The following ERICH1 variants were observed in gnomAD, a reference collection of about 807,000 sequenced individuals.
ERICH1 encodes glutamate rich 1.
A neutral mutation model predicts 39.6 loss-of-function variants in ERICH1; 56 were observed. The ratio of observed to expected loss-of-function variants is 1.41; its 90% CI spans 1.14 to 1.77. The LOEUF (loss-of-function observed/expected upper bound fraction) is 1.77, where lower values mean the gene tolerates loss of function less well. ERICH1 is among the 40% of genes most tolerant of loss of function. The probability of loss-of-function intolerance (pLI) is 0.00; values close to 1 mark genes in which losing one functional copy is unlikely to be tolerated. For missense variants in ERICH1, 826 were observed against 575.4 expected, an observed-to-expected ratio of 1.44 and a Z score of -4.45; for synonymous variants, 313 against 223.6, an observed-to-expected ratio of 1.40 and a Z score of -3.57.
intron 5 of ERICH1, chr8:668,299 G>C (rs958805311): frequency 2.4e-6 from 1 of 420,558 alleles, no homozygotes; most frequent in African/African-American, 2.0e-5. Flanking sequence ...AGAAGGAAAA[G>C]AGGAAGAAAT....
chr8:702,143 G>A (rs1028714415), intron 2 of ERICH1, among the ~76,000 whole-genome samples: 1 of 149,630 alleles, frequency 6.7e-6, no homozygotes, highest in Non-Finnish European at 1.5e-5. Flanking sequence ...GGGCTTTGAA[G>A]CATCTAAAGA....
chr8:670,244 T>A (rs1356307927), intron 4 of ERICH1, among the ~76,000 whole-genome samples: 3 of 152,246 alleles, frequency 2.0e-5, no homozygotes, highest in South Asian at 4.1e-4. Flanking sequence ...TCAAATTACC[T>A]GGCGAAATGC....
In ERICH1 at chr8:674,038, G is replaced by C. The variant is rs1337870128; in HGVS notation, c.314C>G (p.Pro105Arg). 2.6e-6 allele frequency: 4 copies of C among 1,558,230 alleles called. No homozygotes were observed. The highest frequency in any genetic ancestry group is 2.0e-4 in the Middle Eastern group (1 of 5,072). The change falls in exon 4 of 6, where the codon CCT becomes CGT. Residue 105 changes from proline to arginine, a missense_variant. By Grantham distance (103) the Pro-to-Arg change is moderately radical. Coordinates refer to ENST00000262109, the MANE Select transcript of ERICH1 (RefSeq NM_207332.3). ...SSGDDTEDQD[P>R]HDQPKRRRIR... Reference sequence around the variant, plus strand: ...TCTTCTTCTCTTTGGCTGGTCATGAGGATCCTGATCTGTTAAAAAAATTCA... The same window carrying C: ...TCTTCTTCTCTTTGGCTGGTCATGACGATCCTGATCTGTTAAAAAAATTCA...
At chr8:624,423 A>G (rs1489594211) in intron 3 of ERICH1, among the ~76,000 whole-genome samples, 1 of 152,256 alleles carries the variant, frequency 6.6e-6, no homozygotes, top group South Asian at 2.1e-4. Flanking sequence ...GCACAGACCC[A>G]AGAGAAACAA....
chr8:626,721 A>T (rs1159815259), intron 3 of ERICH1: 1 of 176,768 alleles, frequency 5.7e-6, no homozygotes, highest in East Asian at 1.3e-4. Context: ...TCTGTCTCTC[A>T]TCGCGATGCC....
intron 1 of ERICH1, among the ~76,000 whole-genome samples, chr8:723,254 C>T (rs1817754171): frequency 6.6e-6 from 1 of 152,228 alleles, no homozygotes; most frequent in African/African-American, 2.4e-5. Flanking sequence ...CCTGTACAGC[C>T]TGCAGAACCG....
intron 2 of ERICH1, among the ~76,000 whole-genome samples, chr8:713,144 G>GGAC (rs906971063): frequency 2.0e-5 from 3 of 152,156 alleles, no homozygotes; most frequent in Non-Finnish European, 4.4e-5. Context: ...CTTCTAATAT[G>GGAC]GACACCAGTA....
At chr8:723,866 G>A (rs566582024) in intron 1 of ERICH1, among the ~76,000 whole-genome samples, 1 of 151,936 alleles carries the variant, frequency 6.6e-6, no homozygotes, top group East Asian at 1.9e-4. Flanking sequence ...TTTAGCCTTT[G>A]ACTATAATCT....
chr8:663,227 G>A (rs1703928), downstream of ERICH1, among the ~76,000 whole-genome samples: 2,477 of 152,322 alleles, frequency 0.016, 68 homozygotes, highest in African/African-American at 0.053. Flanking sequence ...AGGGGCCGGC[G>A]GGGACGCCAA....
chr8:658,784 G>A (rs1411477323), intron 3 of ERICH1, among the ~76,000 whole-genome samples: 1 of 152,184 alleles, frequency 6.6e-6, no homozygotes, highest in East Asian at 1.9e-4. Context: ...GCCTCGATCG[G>A]GGACTCCACC....
chr8:705,161 T>G (rs1263741326), intron 2 of ERICH1, among the ~76,000 whole-genome samples: 1 of 152,258 alleles, frequency 6.6e-6, no homozygotes, highest in Non-Finnish European at 1.5e-5. Flanking sequence ...TTACCATGCT[T>G]TGACCTAACC....
At chr8:727,489 A>G (rs1193521866) in intron 1 of ERICH1, among the ~76,000 whole-genome samples, 1 of 152,214 alleles carries the variant, frequency 6.6e-6, no homozygotes, top group Admixed American at 6.5e-5. Flanking sequence ...ACTTCATCTG[A>G]GGAGTCTCAG....
chr8:673,406 C>G lies in ERICH1; in HGVS notation c.946G>C (p.Asp316His). 6.2e-7 allele frequency: 1 copy of G among 1,614,062 alleles called. No individual in the cohort carries two copies. Among genetic ancestry groups the G allele is most frequent in the South Asian group, 1.1e-5 (1 of 91,064 alleles). The part of the protein sequence containing the change: ...PTWAGEEEGA[D>H]SGEEDGADAS... ...TCTGCACCGTCCTCCTCCCCGGAGT[C>G]TGCACCCTCTTCCTCCCCAGCCCAT... Residue 316 changes from aspartate to histidine, a missense_variant, in exon 4 of 6, where the codon GAC (aspartate) becomes CAC (histidine). Transcript: ENST00000262109.
At chr8:707,620 C>T (rs924176446) in intron 2 of ERICH1, among the ~76,000 whole-genome samples, 3 of 152,148 alleles carry the variant, frequency 2.0e-5, no homozygotes, top group African/African-American at 7.2e-5. Flanking sequence ...TGGAACTCTA[C>T]CTCACACCAT....
chr8:683,223 C>T (rs1353624533), intron 3 of ERICH1, among the ~76,000 whole-genome samples: 1 of 152,178 alleles, frequency 6.6e-6, no homozygotes, highest in Non-Finnish European at 1.5e-5. Context: ...TGGACCATGG[C>T]AGTTGCTTGC....
chr8:691,205 G>C (rs191616431), intron 3 of ERICH1: 1 of 36,736 alleles, frequency 2.7e-5, no homozygotes, highest in Non-Finnish European at 5.7e-5. Context: ...AGGTGGCAAG[G>C]GGGCCCGGGC....
intron 3 of ERICH1, among the ~76,000 whole-genome samples, chr8:652,736 G>A (rs1800132961): frequency 6.6e-6 from 1 of 152,200 alleles, no homozygotes; most frequent in Admixed American, 6.5e-5. Context: ...CTCATCTGAT[G>A]TAGAACTGGT....
At chr8:616,727 G>C (rs1175101218) in intron 3 of ERICH1, 2 of 387,826 alleles carry the variant, frequency 5.2e-6, no homozygotes, top group Non-Finnish European at 5.2e-6. Context: ...CACTCAGAGA[G>C]ATAGGGAAGC....
intron 3 of ERICH1, among the ~76,000 whole-genome samples, chr8:630,331 C>G (rs1392902001): frequency 7.8e-6 from 1 of 127,442 alleles, no homozygotes. Context: ...TGACTCACAA[C>G]CTCCCGTGAG....
Sources: allele counts gnomAD v4.1 joint callset (sites outside exome capture counted in the v4.1 genomes callset), GRCh38; gene constraint gnomAD v4.1.1; transcripts MANE v1.5; gene names NCBI Gene and HGNC (gene_info 2026-07-23, HGNC 2026-07-21).